The following ADGRL3 variants were observed in gnomAD, a reference collection of about 807,000 sequenced individuals.
ADGRL3 encodes the protein calcium-independent alpha-latrotoxin receptor 3.
In ADGRL3, 62 loss-of-function variants were observed where a neutral mutation model predicts 153.5. The observed-to-expected ratio is 0.40, with a 90% CI of 0.33 to 0.50. The LOEUF (loss-of-function observed/expected upper bound fraction) is 0.50. ADGRL3 is among the 20% of genes least tolerant of loss of function. ADGRL3 has a pLI of 0.47. For synonymous variants in ADGRL3, 710 were observed against 672.5 expected (o/e 1.06, Z -0.86); for missense variants, 1,641 against 1,859.4 (o/e 0.88, Z 2.16).
chr4:61,649,749 A>G (rs2094177974), intron 5 of ADGRL3, among the ~76,000 whole-genome samples: 3 of 152,232 alleles, frequency 2.0e-5, no homozygotes, highest in East Asian at 1.9e-4. Context: ...ATATTGTTCA[A>G]CTAGTCAGCA....
intron 24 of ADGRL3, among the ~76,000 whole-genome samples, chr4:62,042,647 A>G (rs1729001748): frequency 6.6e-6 from 1 of 151,972 alleles, no homozygotes; most frequent in South Asian, 2.1e-4. Context: ...TAACTTCATC[A>G]ACTCCTAGAT....
chr4:61,566,107 C>T (rs2098815174), intron 4 of ADGRL3, among the ~76,000 whole-genome samples: 1 of 152,134 alleles, frequency 6.6e-6, no homozygotes, highest in Admixed American at 6.5e-5. Flanking sequence ...TAACAAAGAA[C>T]CGTAAACTGG....
At chr4:61,955,890 T>C (rs572142012) in intron 17 of ADGRL3, among the ~76,000 whole-genome samples, 80 of 152,306 alleles carry the variant, frequency 5.3e-4, no homozygotes, top group African/African-American at 1.9e-3. Context: ...GGCTGCATAG[T>C]ATTTCATGGT....
chr4:61,264,397 T>C (rs1053444078), intron 1 of ADGRL3, among the ~76,000 whole-genome samples: 1 of 152,000 alleles, frequency 6.6e-6, no homozygotes, highest in African/African-American at 2.4e-5. Flanking sequence ...GACCATTTTA[T>C]CTAGATTTAG....
intron 6 of ADGRL3, among the ~76,000 whole-genome samples, chr4:61,701,701 T>C (rs1431793456): frequency 6.6e-6 from 1 of 152,022 alleles, no homozygotes; most frequent in African/African-American, 2.4e-5. Context: ...CCTCCCAAAG[T>C]GCTGGGATTG....
intron 2 of ADGRL3, among the ~76,000 whole-genome samples, chr4:61,443,041 A>G (rs2097543851): frequency 6.6e-6 from 1 of 152,210 alleles, no homozygotes; most frequent in Admixed American, 6.5e-5. Flanking sequence ...AGAAGTTATA[A>G]GACTTAGATA....
chr4:61,712,995 G>A lies in ADGRL3; in HGVS notation c.584-17627G>A, dbSNP rs138959041. ...TGAGTGGCACAATACCCAGATACCC[G>A]AAAAATGATGAGACCTGATATTGCA... On this transcript the variant is annotated intron_variant, in intron 6 of 26. Transcript: ENST00000683033. 2.2e-3 allele frequency among the ~76,000 whole-genome samples: 340 copies of A among 152,254 alleles called. 1 individual carries two copies. Among genetic ancestry groups the A allele is most frequent in the African/African-American group, 7.7e-3 (320 of 41,552 alleles).
intron 9 of ADGRL3, among the ~76,000 whole-genome samples, chr4:61,854,628 G>T (rs1411692657): frequency 6.6e-6 from 1 of 152,188 alleles, no homozygotes; most frequent in Non-Finnish European, 1.5e-5. Flanking sequence ...AGTAATTGGT[G>T]CAGATACTTC....
chr4:61,680,900 T>A (rs1385229492), intron 6 of ADGRL3, among the ~76,000 whole-genome samples: 1 of 152,104 alleles, frequency 6.6e-6, no homozygotes, highest in Non-Finnish European at 1.5e-5. Context: ...GGCACACTTT[T>A]CCTGACAAAA....
chr4:61,233,585 A>T (rs999476720), intron 1 of ADGRL3, among the ~76,000 whole-genome samples: 2 of 152,192 alleles, frequency 1.3e-5, no homozygotes, highest in Non-Finnish European at 2.9e-5. Flanking sequence ...ATGTCAATAT[A>T]TACAGGGTAG....
intron 1 of ADGRL3, among the ~76,000 whole-genome samples, chr4:61,274,633 G>T (rs1578076811): frequency 1.3e-5 from 2 of 152,152 alleles, no homozygotes; most frequent in African/African-American, 4.8e-5. Context: ...GGGACAGTGT[G>T]CTGGTTAGTA....
intron 8 of ADGRL3, among the ~76,000 whole-genome samples, chr4:61,811,906 A>C (rs1381884375): frequency 6.6e-6 from 1 of 152,150 alleles, no homozygotes; most frequent in East Asian, 1.9e-4. Flanking sequence ...ATTATACAGA[A>C]AACCAATATT....
chr4:61,808,282 G>A (rs1005540619), intron 8 of ADGRL3, among the ~76,000 whole-genome samples: 4 of 152,030 alleles, frequency 2.6e-5, no homozygotes, highest in Admixed American at 6.6e-5. Context: ...GAGTGGGAGC[G>A]GATGCTGAAT....
chr4:61,513,874 A>C (rs1312649893), intron 3 of ADGRL3, among the ~76,000 whole-genome samples: 1 of 152,168 alleles, frequency 6.6e-6, no homozygotes, highest in Non-Finnish European at 1.5e-5. Flanking sequence ...CTCAGAGCCA[A>C]AATTAACTTT....
chr4:61,614,981 G>A (rs2091833696), intron 5 of ADGRL3, among the ~76,000 whole-genome samples: 1 of 152,094 alleles, frequency 6.6e-6, no homozygotes, highest in African/African-American at 2.4e-5. Flanking sequence ...GGAATGATAT[G>A]GAGGAAGAAA....
rs1402122871 is a variant in ADGRL3, at chr4:61,733,087, T to C, written c.932T>C (p.Ile311Thr). 6.2e-7 allele frequency: 1 copy of C among 1,613,552 alleles called. No individual in the cohort carries two copies. The highest frequency in any genetic ancestry group is 8.5e-7 in the Non-Finnish European group (1 of 1,179,776). Residue 311 changes from isoleucine (I) to threonine (T), a missense_variant, in exon 8 of 27, where the codon ATC becomes ACC. Ile to Thr is a moderately conservative substitution (Grantham distance 89). Around this residue, in one of 5 missense-constraint regions of ADGRL3, gnomAD observed 213 missense variants for 362.1 expected, o/e 0.59. Coordinates refer to ENST00000683033, the MANE Select transcript of ADGRL3 (RefSeq NM_001387552.1). ...LRTRIKSGEA[I>T]IANANYHDTS... The stretch of plus-strand genomic sequence containing the variant: ...ACTAGGATAAAGAGTGGAGAGGCTA[T>C]CATAGCAAATGCCAATTACCATGAT...
chr4:61,560,586 G>A (rs1011532160), intron 4 of ADGRL3, among the ~76,000 whole-genome samples: 1 of 152,096 alleles, frequency 6.6e-6, no homozygotes, highest in African/African-American at 2.4e-5. Flanking sequence ...AGCAGGGATG[G>A]AGAAACACAG....
At chr4:61,389,498 G>A (rs767021691) in intron 2 of ADGRL3, among the ~76,000 whole-genome samples, 2 of 152,074 alleles carry the variant, frequency 1.3e-5, no homozygotes, top group Non-Finnish European at 2.9e-5. Flanking sequence ...AATATCCAGA[G>A]CCAGATGTTA....
intron 4 of ADGRL3, among the ~76,000 whole-genome samples, chr4:61,581,579 C>T (rs1052032546): frequency 6.6e-6 from 1 of 151,970 alleles, no homozygotes; most frequent in African/African-American, 2.4e-5. Flanking sequence ...TTCTTGATTA[C>T]CTATCCTGAC....
Sources: gnomAD v4.1 joint callset for allele counts (sites outside exome capture counted in the v4.1 genomes callset) on GRCh38, gnomAD v4.1.1 for gene constraint, gnomAD v4.1.1 regional missense constraint, MANE v1.5 for transcripts, NCBI Gene and HGNC (gene_info 2026-07-23, HGNC 2026-07-21) for gene names.